The following PRKCZ variants were observed in gnomAD, a reference collection of about 807,000 sequenced individuals.
The protein encoded by PRKCZ is protein kinase C zeta type.
Under a neutral mutation model 79.5 loss-of-function variants are expected in PRKCZ, and 33 were observed. That is an observed-to-expected ratio of 0.41 (90% confidence interval 0.31 to 0.55). PRKCZ has a LOEUF of 0.55. Among genes scored for constraint, PRKCZ ranks in the 20% least tolerant of loss-of-function variants. The pLI, the probability that PRKCZ is intolerant of heterozygous loss-of-function variation, is 0.19. For synonymous variants in PRKCZ, 342 were observed against 320.9 expected, an observed-to-expected ratio of 1.07 and a Z score of -0.70; for missense variants, 578 against 813.5, an observed-to-expected ratio of 0.71 and a Z score of 3.52.
Position 2,127,312 on chromosome 1 carries a change from A to T in PRKCZ, c.335-7950A>T, listed in dbSNP as rs1557635160. On this transcript the variant is annotated intron_variant, in intron 4 of 17. Transcript: ENST00000378567. This position sits in a 1 kb window ranked among gnomAD's most constrained non-coding sequence, Gnocchi z 5.1. ...AATCACATGTTCAGCTGGGAAATAG[A>T]TCTGTGGTTAGAAACGGGAAGTTTG... 6.7e-6 allele frequency among the ~76,000 whole-genome samples: 1 copy of T among 149,742 alleles called. No individual in the cohort carries two copies. The highest frequency in any genetic ancestry group is 1.5e-5 in the Non-Finnish European group (1 of 67,342).
In PRKCZ at chr1:2,050,487, A is replaced by C; in HGVS notation, c.-144A>C. 8.3e-5 allele frequency: 26 copies of C among 314,042 alleles called. No homozygotes were observed. Among genetic ancestry groups the C allele is most frequent in the Non-Finnish European group, 7.9e-5 (15 of 189,230 alleles). The allele number at this position is 314,042 out of a possible 1,614,324, so 19.5% of individuals were successfully genotyped here. Reference sequence around the variant, plus strand: ...CCGCTCCCGCCCCGCGCGCCGCCGGAGTTCCGCGGAGTTGACCGGGTCGGC... The same window carrying C: ...CCGCTCCCGCCCCGCGCGCCGCCGGCGTTCCGCGGAGTTGACCGGGTCGGC... On this transcript the variant is annotated 5_prime_UTR_variant, in exon 1 of 18. Transcript: ENST00000378567.
At chr1:2,176,200 AG>A in intron 16 of PRKCZ, among the ~76,000 whole-genome samples, 1 of 151,994 alleles carries the variant, frequency 6.6e-6, no homozygotes, top group Middle Eastern at 3.2e-3. Context: ...TCCTGTGATG[AG>A]GGGCGGTGAC....
intron 4 of PRKCZ, among the ~76,000 whole-genome samples, chr1:2,130,747 T>C (rs536493069): frequency 1.3e-5 from 2 of 152,010 alleles, no homozygotes; most frequent in African/African-American, 4.8e-5. Context: ...AGTCAGCTGA[T>C]TTAAATGTTT....
At chr1:2,115,839 C>G (rs1325173866) in intron 4 of PRKCZ, among the ~76,000 whole-genome samples, 1 of 152,208 alleles carries the variant, frequency 6.6e-6, no homozygotes, top group Non-Finnish European at 1.5e-5. Context: ...CCTCCAGCAC[C>G]TTGGTATATT....
chr1:2,175,061 G>A (rs1278334568), intron 15 of PRKCZ, among the ~76,000 whole-genome samples, 163 bp from the exon 16 acceptor site: 1 of 152,072 alleles, frequency 6.6e-6, no homozygotes, highest in Non-Finnish European at 1.5e-5. Flanking sequence ...GGAGCTTAAC[G>A]TACGGGGAAG....
intron 10 of PRKCZ, among the ~76,000 whole-genome samples, chr1:2,159,414 G>A (rs577910819): frequency 7.5e-4 from 115 of 152,334 alleles, no homozygotes; most frequent in African/African-American, 2.7e-3. Flanking sequence ...GTTTTGCGTG[G>A]GCCCCTTGCT....
At position 2,127,178 on chromosome 1, in the gene PRKCZ, C is replaced by T. The variant is rs1028670956; in HGVS notation, c.335-8084C>T. ...AGTCCCCAAAACAGACCCTGCGCCC[C>T]GGGCAACCATCTGCTTCCCGCCACA... On this transcript the variant is annotated intron_variant, in intron 4 of 17. Coordinates refer to ENST00000378567, the MANE Select transcript of PRKCZ (RefSeq NM_002744.6). The surrounding 1 kb of genome is among the most constrained non-coding windows in gnomAD (Gnocchi z 5.1). Among the ~76,000 whole-genome samples, 7 of 152,226 alleles carry T rather than the reference C, an allele frequency of 4.6e-5. No individual in the cohort carries two copies. Among genetic ancestry groups the T allele is most frequent in the South Asian group, 2.1e-4 (1 of 4,832 alleles).
intron 4 of PRKCZ, among the ~76,000 whole-genome samples, chr1:2,103,405 T>G (rs962331725): frequency 3.3e-5 from 5 of 150,254 alleles, no homozygotes; most frequent in Non-Finnish European, 7.4e-5. Flanking sequence ...ACACAGAGTG[T>G]GGGGGATGGT....
chr1:2,097,130 G>A (rs1294403575), intron 4 of PRKCZ, among the ~76,000 whole-genome samples: 1 of 152,252 alleles, frequency 6.6e-6, no homozygotes, highest in Non-Finnish European at 1.5e-5. Context: ...AGGTTGTCTT[G>A]GGGCCACAGC....
rs997726858 is a variant in PRKCZ at position 2,184,402 on chromosome 1, G to A, written c.1576-181G>A. 1.9e-5 allele frequency: 11 copies of A among 569,212 alleles called. No individual in the cohort carries two copies. In the East Asian group the frequency reaches 3.1e-4, roughly 16 times the overall value. The allele number at this position is 569,212 out of a possible 1,614,324, so 35.3% of individuals were successfully genotyped here. ...TTCTCAGCTCGACAACAATTTTTCTGACTTTGGATATTTTCTAGATTTTGT... is the reference window on the plus strand; with the variant it reads ...TTCTCAGCTCGACAACAATTTTTCTAACTTTGGATATTTTCTAGATTTTGT... On this transcript the variant is annotated intron_variant, in intron 16 of 17. Coordinates refer to ENST00000378567, the MANE Select transcript of PRKCZ (RefSeq NM_002744.6).
intron 4 of PRKCZ, among the ~76,000 whole-genome samples, chr1:2,067,975 T>C (rs1033243876): frequency 6.6e-6 from 1 of 152,206 alleles, no homozygotes; most frequent in African/African-American, 2.4e-5. Context: ...GGCCCTTCTC[T>C]TGGACTTGAG....
rs544425902 is a variant in PRKCZ, at chr1:2,149,510, C to A, written c.687+586C>A. 9.9e-5 allele frequency among the ~76,000 whole-genome samples: 15 copies of A among 151,642 alleles called. No individual in the cohort carries two copies. The highest frequency in any genetic ancestry group is 1.9e-4 in the Non-Finnish European group (13 of 68,016). ...AGAGCACCAACAAGTGTCACCCTCA[C>A]AACTCGTGCTCCTTCCTGGCCATCC... On this transcript the variant is annotated intron_variant, in intron 8 of 17. Transcript: ENST00000378567. The surrounding 1 kb of genome is among the most constrained non-coding windows in gnomAD (Gnocchi z 4.1).
rs545248707 is a variant in PRKCZ, at chr1:2,128,331, G to A, written c.335-6931G>A. 2.1e-3 allele frequency among the ~76,000 whole-genome samples: 314 copies of A among 152,352 alleles called. 2 individuals are homozygous for A. The highest frequency in any genetic ancestry group is 7.3e-3 in the African/African-American group (305 of 41,582). ...TAGCGGGGCCATGTCCAGTGAACAG[G>A]AGAGGCCTCAAGTGCCCCCTGACCT... is the stretch of plus-strand genomic sequence containing the variant. On this transcript the variant is annotated intron_variant, in intron 4 of 17. Coordinates refer to ENST00000378567, the MANE Select transcript of PRKCZ (RefSeq NM_002744.6). This position sits in a 1 kb window ranked among gnomAD's most constrained non-coding sequence, Gnocchi z 6.5.
intron 4 of PRKCZ, among the ~76,000 whole-genome samples, chr1:2,106,926 A>G (rs1310326520): frequency 6.6e-6 from 1 of 151,944 alleles, no homozygotes; most frequent in African/African-American, 2.4e-5. Flanking sequence ...CCGGTGGGCG[A>G]GGACCTCTGC....
At position 2,178,406 on chromosome 1, in the gene PRKCZ, G is replaced by T. The variant is rs542973851; in HGVS notation, c.1575+3093G>T. On this transcript the variant is annotated intron_variant, in intron 16 of 17. Coordinates refer to ENST00000378567, the MANE Select transcript of PRKCZ (RefSeq NM_002744.6). The surrounding 1 kb of genome is among the most constrained non-coding windows in gnomAD (Gnocchi z 4.3). ...GAACCCCACCCACTGCGTCCACTGC[G>T]TGGAGACTGCACCTCTGCATCCGTC... 6.6e-6 allele frequency among the ~76,000 whole-genome samples: 1 copy of T among 152,222 alleles called. No homozygotes were observed. Among genetic ancestry groups the T allele is most frequent in the African/African-American group, 2.4e-5 (1 of 41,450 alleles).
At chr1:2,120,394 G>A (rs976083510) in intron 4 of PRKCZ, among the ~76,000 whole-genome samples, 6 of 126,134 alleles carry the variant, frequency 4.8e-5, no homozygotes, top group Non-Finnish European at 6.4e-5. Context: ...CCACCTCCCC[G>A]GTTCAAGTGA....
chr1:2,121,561 T>TGGTGGTAGTTAGGGTCAC (rs1671940644), intron 4 of PRKCZ, among the ~76,000 whole-genome samples: 1 of 61,018 alleles, frequency 1.6e-5, no homozygotes, highest in African/African-American at 4.8e-5. Context: ...GTTAGGGCTA[T>TGGTGGTAGTTAGGGTCAC]GGCTGTAGTT....
In PRKCZ at chr1:2,160,238, C is replaced by CGCGCGTGTGTGTGTGT. The variant is rs71578361; in HGVS notation, c.974+4147_974+4148insCGCGTGTGTGTGTGTG. ...GAAAAGCACTTCACCCAGCAGTGTGCGTGTGTGTGTGTGTGTGTGTGTGTG... is the reference window on the plus strand; with the variant it reads ...GAAAAGCACTTCACCCAGCAGTGTGCGCGCGTGTGTGTGTGTGTGTGTGTGTGTGTGTGTGTGTGTG... On this transcript the variant is annotated intron_variant, in intron 10 of 17. Transcript: ENST00000378567. 1.1e-3 allele frequency among the ~76,000 whole-genome samples: 156 copies of CGCGCGTGTGTGTGTGT among 146,466 alleles called. 1 individual carries two copies. The highest frequency in any genetic ancestry group is 3.8e-3 in the African/African-American group (149 of 39,028).
intron 4 of PRKCZ, chr1:2,104,723 CGCTCGGTGCCAGACAG>C (rs1668071696): frequency 1.0e-6 from 1 of 985,604 alleles, no homozygotes; most frequent in African/African-American, 1.7e-5. Flanking sequence ...GTCAGAACAT[CGCTCGGTGCCAGACAG>C]GCAGGACGCA....
Sources: gnomAD v4.1 joint callset for allele counts (sites outside exome capture counted in the v4.1 genomes callset) on GRCh38, gnomAD v4.1.1 for gene constraint, Gnocchi (gnomAD v3.1) non-coding constraint, MANE v1.5 for transcripts, NCBI Gene and HGNC (gene_info 2026-07-23, HGNC 2026-07-21) for gene names.